PCCA: variants seen among roughly 807,000 people sequenced by gnomAD.
The protein encoded by PCCA is propionyl-CoA carboxylase alpha chain, mitochondrial.
In PCCA, 74 loss-of-function variants were observed where a neutral mutation model predicts 101.3. That is an observed-to-expected ratio of 0.73 (90% confidence interval 0.61 to 0.89). The LOEUF is 0.89. PCCA is among the 40% of genes least tolerant of loss of function. PCCA has a pLI of 0.00. For synonymous variants in PCCA, 294 were observed against 313.6 expected (o/e 0.94, Z 0.66); for missense variants, 891 against 907.0 (o/e 0.98, Z 0.23).
intron 4 of PCCA, among the ~76,000 whole-genome samples, chr13:100,153,841 A>T (rs899072160): frequency 6.6e-6 from 1 of 152,194 alleles, no homozygotes; most frequent in South Asian, 2.1e-4. Context: ...TCCCTTGGGC[A>T]TTTACCTGAT....
intron 17 of PCCA, among the ~76,000 whole-genome samples, chr13:100,338,291 T>C (rs570195508): frequency 1.3e-5 from 2 of 152,314 alleles, no homozygotes; most frequent in Middle Eastern, 3.4e-3. Flanking sequence ...ACTGAGGAAC[T>C]TGAAAATATT....
At chr13:100,282,135 T>G (rs1312339906) in intron 12 of PCCA, among the ~76,000 whole-genome samples, 1 of 152,238 alleles carries the variant, frequency 6.6e-6, no homozygotes, top group African/African-American at 2.4e-5. Flanking sequence ...GTTTTCTTAT[T>G]GATGTGTAGG....
chr13:100,515,688 A>C, intron 22 of PCCA, 121 bp downstream of exon 22: 1 of 1,154,320 alleles, frequency 8.7e-7, no homozygotes, highest in Non-Finnish European at 1.3e-6. Context: ...GACGCCCCCT[A>C]AACAGCAAAA....
chr13:100,400,630 C>CTTTTTTTTTTTTTTTTTTTTTTTT lies in PCCA; in HGVS notation c.1747-24986_1747-24985insTTTTTTTTTTTTTTTTTTTTTTTT, dbSNP rs1281449669. On this transcript the variant is annotated intron_variant, in intron 19 of 23. Transcript: ENST00000376285. ...TGATTGATCTTAGTTCTTTTTAGTTCTTTTTTTTTTTTTTTTTGAGAGTTT... is the reference window on the plus strand; with the variant it reads ...TGATTGATCTTAGTTCTTTTTAGTTCTTTTTTTTTTTTTTTTTTTTTTTTTTTTTTTTTTTTTTTTTGAGAGTTT... 2.2e-4 allele frequency among the ~76,000 whole-genome samples: 20 copies of CTTTTTTTTTTTTTTTTTTTTTTTT among 90,968 alleles called. 1 individual carries two copies. Among genetic ancestry groups the CTTTTTTTTTTTTTTTTTTTTTTTT allele is most frequent in the African/African-American group, 9.1e-4 (17 of 18,640 alleles). 59.7% of individuals were successfully genotyped at this position (90,968 alleles called of 152,430 possible). A position where few individuals can be genotyped will look rare whatever the true frequency, so the allele number is the denominator to read the frequency against.
intron 6 of PCCA, among the ~76,000 whole-genome samples, chr13:100,172,513 G>A (rs2055792275): frequency 6.6e-6 from 1 of 151,906 alleles, no homozygotes; most frequent in South Asian, 2.1e-4. Context: ...TTTAATTTGG[G>A]CCCATACGTA....
intron 18 of PCCA, among the ~76,000 whole-genome samples, chr13:100,350,515 A>G (rs1280998390): frequency 6.6e-6 from 1 of 152,214 alleles, no homozygotes; most frequent in Non-Finnish European, 1.5e-5. Flanking sequence ...TGTCTCTGTT[A>G]TGATATTTTC....
chr13:100,212,626 G>A (rs2152484347), intron 7 of PCCA, among the ~76,000 whole-genome samples: 1 of 152,066 alleles, frequency 6.6e-6, no homozygotes, highest in South Asian at 2.1e-4. Flanking sequence ...TACTTCATCT[G>A]CCTTCTAATT....
intron 9 of PCCA, among the ~76,000 whole-genome samples, chr13:100,262,121 T>G (rs1194189499): frequency 6.6e-6 from 1 of 152,048 alleles, no homozygotes; most frequent in African/African-American, 2.4e-5. Context: ...GGCTGGGCAC[T>G]GTGGCTCACA....
intron 20 of PCCA, among the ~76,000 whole-genome samples, chr13:100,428,954 A>G (rs374860727): frequency 3.9e-5 from 6 of 152,122 alleles, no homozygotes; most frequent in East Asian, 3.8e-4. Context: ...GATTGAACAG[A>G]ATTGTAGCTT....
At chr13:100,289,637 A>G (rs977977338) in intron 12 of PCCA, among the ~76,000 whole-genome samples, 2 of 150,226 alleles carry the variant, frequency 1.3e-5, no homozygotes, top group Admixed American at 6.6e-5. Context: ...TTTGTTTCCC[A>G]TTGATAATTT....
intron 6 of PCCA, among the ~76,000 whole-genome samples, chr13:100,169,214 G>GGCGGATCACCTGAGGTCA (rs200332100): frequency 0.14 from 21,482 of 151,798 alleles, 1,646 homozygotes; most frequent in Non-Finnish European, 0.18. Flanking sequence ...GGCCGAGGTG[G>GGCGGATCACCTGAGGTCA]GCGGATCACC....
chr13:100,424,672 C>G (rs933481304), intron 19 of PCCA, among the ~76,000 whole-genome samples: 2 of 152,126 alleles, frequency 1.3e-5, no homozygotes, highest in Non-Finnish European at 1.5e-5. Flanking sequence ...CTGCCACCCC[C>G]GCCCTATCCC....
At chr13:100,380,181 G>A (rs2076150220) in intron 19 of PCCA, among the ~76,000 whole-genome samples, 1 of 152,172 alleles carries the variant, frequency 6.6e-6, no homozygotes. Flanking sequence ...GAGAAATATA[G>A]TGAGGCCCCC....
At chr13:100,359,645 A>T (rs531889138) in intron 18 of PCCA, among the ~76,000 whole-genome samples, 88 of 152,346 alleles carry the variant, frequency 5.8e-4, no homozygotes, top group South Asian at 2.1e-4. Context: ...AACGGAGCCT[A>T]ATGATTGCAA....
intron 21 of PCCA, among the ~76,000 whole-genome samples, chr13:100,476,739 C>T (rs1005291023): frequency 1.3e-5 from 2 of 152,122 alleles, no homozygotes; most frequent in African/African-American, 4.8e-5. Flanking sequence ...CACACTGCAC[C>T]TAAATACAAA....
At chr13:100,444,783 C>T (rs2152921236) in intron 20 of PCCA, among the ~76,000 whole-genome samples, 1 of 152,228 alleles carries the variant, frequency 6.6e-6, no homozygotes, top group East Asian at 1.9e-4. Context: ...GCCTCGGTCT[C>T]CCAAAGTGCT....
At chr13:100,467,679 A>T (rs1225130317) in intron 21 of PCCA, among the ~76,000 whole-genome samples, 2 of 152,124 alleles carry the variant, frequency 1.3e-5, no homozygotes, top group African/African-American at 2.4e-5. Context: ...ATCAAGTTTG[A>T]TTGTGAGAGT....
chr13:100,497,044 C>A (rs2085327420), intron 21 of PCCA, among the ~76,000 whole-genome samples: 1 of 152,170 alleles, frequency 6.6e-6, no homozygotes, highest in African/African-American at 2.4e-5. Flanking sequence ...GGCTGTGCTC[C>A]TTGTTCCTCA....
chr13:100,149,673 A>C (rs1362994093), intron 4 of PCCA: 1 of 152,258 alleles, frequency 6.6e-6, no homozygotes. Flanking sequence ...ATTGAAGGAC[A>C]TCAGAAGGAA....
Sources: allele counts gnomAD v4.1 joint callset (sites outside exome capture counted in the v4.1 genomes callset), GRCh38; gene constraint gnomAD v4.1.1; transcripts MANE v1.5; gene names NCBI Gene and HGNC (gene_info 2026-07-23, HGNC 2026-07-21).